Variants in FLRT1 observed in about 807,000 individuals in gnomAD.
The protein encoded by FLRT1 is fibronectin leucine rich transmembrane protein 1, also known as leucine-rich repeat transmembrane protein FLRT1.
A neutral mutation model predicts 30.9 loss-of-function variants in FLRT1; 14 were observed. The observed-to-expected ratio is 0.45, with a 90% CI of 0.30 to 0.71. The LOEUF is 0.71. FLRT1 is among the 30% of genes least tolerant of loss of function. The pLI, the probability that FLRT1 is intolerant of heterozygous loss-of-function variation, is 0.08. For missense variants in FLRT1, 737 were observed against 949.2 expected (o/e 0.78, Z 2.94); for synonymous variants, 368 against 430.4 (o/e 0.85, Z 1.80).
At chr11:64,063,433 G>T (rs1943940511) in intron 1 of FLRT1, among the ~76,000 whole-genome samples, 1 of 152,084 alleles carries the variant, frequency 6.6e-6, no homozygotes, top group African/African-American at 2.4e-5. Flanking sequence ...GAGAGGAGGA[G>T]GACTTCCAGG....
intron 2 of FLRT1, among the ~76,000 whole-genome samples, chr11:64,111,690 C>T (rs1358158339): frequency 6.6e-6 from 1 of 152,172 alleles, no homozygotes; most frequent in Non-Finnish European, 1.5e-5. Flanking sequence ...GAGGTCACCC[C>T]ACCACCTAGG....
At chr11:64,041,226 A>G (rs1033354765) in intron 1 of FLRT1, among the ~76,000 whole-genome samples, 1 of 150,438 alleles carries the variant, frequency 6.6e-6, no homozygotes, top group Non-Finnish European at 1.5e-5. Flanking sequence ...AAAAAAAAAA[A>G]AAAGCATGAG....
At chr11:64,074,851 C>A (rs1446918918) in intron 1 of FLRT1, among the ~76,000 whole-genome samples, 1 of 152,214 alleles carries the variant, frequency 6.6e-6, no homozygotes, top group East Asian at 1.9e-4. Context: ...CTGGTGAGCT[C>A]TGACCTCACT....
intron 1 of FLRT1, among the ~76,000 whole-genome samples, chr11:64,084,146 T>A (rs1024455934): frequency 2.6e-5 from 4 of 152,126 alleles, no homozygotes; most frequent in Non-Finnish European, 5.9e-5. Context: ...TGTACATGAG[T>A]GCATGGCACG....
intron 1 of FLRT1, among the ~76,000 whole-genome samples, chr11:64,068,460 G>A (rs1039613420): frequency 5.3e-5 from 8 of 152,336 alleles, no homozygotes; most frequent in Admixed American, 2.6e-4. Flanking sequence ...GTCTGGGCAC[G>A]GTAAGGGCTG....
At chr11:64,068,120 C>T (rs1337039865) in intron 1 of FLRT1, among the ~76,000 whole-genome samples, 1 of 152,234 alleles carries the variant, frequency 6.6e-6, no homozygotes, top group Non-Finnish European at 1.5e-5. Context: ...AAAGTTGAAT[C>T]AAAATGTAAA....
intron 1 of FLRT1, among the ~76,000 whole-genome samples, chr11:64,056,819 T>A (rs185685164): frequency 2.0e-5 from 3 of 152,164 alleles, no homozygotes; most frequent in Non-Finnish European, 4.4e-5. Context: ...GCAAGGCCTG[T>A]CCCACCCCCT....
At chr11:64,093,263 A>C (rs1944521719) in intron 1 of FLRT1, among the ~76,000 whole-genome samples, 1 of 152,260 alleles carries the variant, frequency 6.6e-6, no homozygotes, top group South Asian at 2.1e-4. Context: ...TCAACATCTC[A>C]GCTCTGTGTG....
At chr11:64,065,841 G>A (rs927544450) in intron 1 of FLRT1, among the ~76,000 whole-genome samples, 6 of 150,704 alleles carry the variant, frequency 4.0e-5, no homozygotes, top group Admixed American at 3.3e-4. Context: ...CTCTCTCCAT[G>A]CACAGGCAGG....
intron 1 of FLRT1, among the ~76,000 whole-genome samples, chr11:64,066,991 C>A (rs1944017118): frequency 6.6e-6 from 1 of 152,216 alleles, no homozygotes; most frequent in South Asian, 2.1e-4. Flanking sequence ...GCATCCCAAG[C>A]CTCTGCCCTC....
At position 64,061,763 on chromosome 11, in the gene FLRT1, G is replaced by A. The variant is rs938059084; in HGVS notation, c.-1038+25604G>A. ...CACCCAAGCTGGAGTGCAATGGCAC[G>A]ATCACAGCTCACTGCAGCCTCAACT... On this transcript the variant is annotated intron_variant, in intron 1 of 2. Transcript: ENST00000682287. 4.0e-5 allele frequency among the ~76,000 whole-genome samples: 6 copies of A among 150,208 alleles called. No homozygotes were observed. In the East Asian group the frequency reaches 7.8e-4, roughly 20 times the overall value.
chr11:64,064,079 C>T lies in FLRT1; in HGVS notation c.-1038+27920C>T, dbSNP rs546159989. On this transcript the variant is annotated intron_variant, in intron 1 of 2. Coordinates refer to ENST00000682287, the MANE Select transcript of FLRT1 (RefSeq NM_013280.5). This position sits in a 1 kb window ranked among gnomAD's most constrained non-coding sequence, Gnocchi z 4.5. ...TTGAACAGCGACACCCACACAAACC[C>T]GAGGTCTCTCTCTCTGCGCCCCCTA... 1.3e-5 allele frequency among the ~76,000 whole-genome samples: 2 copies of T among 152,176 alleles called. No homozygotes were observed. The highest frequency in any genetic ancestry group is 2.4e-5 in the African/African-American group (1 of 41,432).
In FLRT1 at chr11:64,117,272, C is replaced by T; in HGVS notation, c.1005C>T (p.Asn335=). The part of the protein sequence containing the change: ...LRNNPWFCGC[N]LMWLRDWVKA... ...ACAACCCTTGGTTTTGTGGCTGCAA[C>T]CTCATGTGGCTGCGGGACTGGGTGA... Residue 335 remains asparagine (N), a synonymous_variant, in exon 3 of 3, where the codon AAC becomes AAT. Transcript: ENST00000682287. 4 of 1,614,192 alleles carry T rather than the reference C, an allele frequency of 2.5e-6. No homozygotes were observed. Among genetic ancestry groups the T allele is most frequent in the Non-Finnish European group, 3.4e-6 (4 of 1,180,022 alleles).
At chr11:64,049,923 G>A (rs140844269) in intron 1 of FLRT1, among the ~76,000 whole-genome samples, 1 of 152,212 alleles carries the variant, frequency 6.6e-6, no homozygotes, top group Non-Finnish European at 1.5e-5. Flanking sequence ...GTGGCCCCGG[G>A]GGGGAGGCCA....
chr11:64,052,366 G>A (rs1193142316), intron 1 of FLRT1, among the ~76,000 whole-genome samples: 1 of 152,152 alleles, frequency 6.6e-6, no homozygotes, highest in East Asian at 1.9e-4. Flanking sequence ...TAAAGAGATG[G>A]GAGTCTCACT....
chr11:64,115,909 A>G (rs544075587), intron 2 of FLRT1, among the ~76,000 whole-genome samples: 2 of 152,316 alleles, frequency 1.3e-5, no homozygotes, highest in African/African-American at 4.8e-5. Context: ...TCACTAAATT[A>G]ACCTCCCTGA....
chr11:64,037,759 C>G (rs989464039), intron 1 of FLRT1, among the ~76,000 whole-genome samples: 2 of 152,204 alleles, frequency 1.3e-5, no homozygotes, highest in Non-Finnish European at 1.5e-5. Flanking sequence ...GCCCACACCC[C>G]CAAGGCAGCT....
rs201976310 is a variant in FLRT1, at chr11:64,117,608, G to A, written c.1341G>A (p.Thr447=). 9.9e-6 allele frequency: 16 copies of A among 1,613,742 alleles called. No individual in the cohort carries two copies. Among genetic ancestry groups the A allele is most frequent in the Middle Eastern group, 3.3e-4 (2 of 6,062 alleles). Residue 447 remains threonine (T), a synonymous_variant, in exon 3 of 3, where the codon ACG becomes ACA. Transcript: ENST00000682287. The part of the protein sequence containing the change: ...KTLAIHVKAL[T]ADSIRITWKA... The stretch of plus-strand genomic sequence containing the variant: ...TGGCCATCCACGTGAAGGCCCTGAC[G>A]GCAGACTCCATCCGCATCACGTGGA...
In FLRT1 at chr11:64,117,283, T is replaced by A. The variant is rs1346912515; in HGVS notation, c.1016T>A (p.Leu339Gln). ...PWFCGCNLMW[L>Q]RDWVKARAAV... ...TTTTGTGGCTGCAACCTCATGTGGC[T>A]GCGGGACTGGGTGAAGGCACGGGCG... Residue 339 changes from leucine (L) to glutamine (Q), a missense_variant, in exon 3 of 3, where the codon CTG (leucine) becomes CAG (glutamine). By Grantham distance (113) the Leu-to-Gln change is moderately radical. Coordinates refer to ENST00000682287, the MANE Select transcript of FLRT1 (RefSeq NM_013280.5). The A allele has an allele frequency of 6.2e-7, 1 of 1,614,028 alleles. No homozygotes were observed. The highest frequency in any genetic ancestry group is 8.5e-7 in the Non-Finnish European group (1 of 1,180,016).
Sources: allele counts gnomAD v4.1 joint callset (sites outside exome capture counted in the v4.1 genomes callset), GRCh38; gene constraint gnomAD v4.1.1; non-coding constraint Gnocchi (gnomAD v3.1); transcripts MANE v1.5; gene names NCBI Gene and HGNC (gene_info 2026-07-23, HGNC 2026-07-21).